The following AMBRA1 variants were observed in gnomAD, a reference collection of about 807,000 sequenced individuals.
AMBRA1 encodes autophagy and beclin 1 regulator 1.
A neutral mutation model predicts 125.4 loss-of-function variants in AMBRA1; 47 were observed. That is an observed-to-expected ratio of 0.37 (90% CI 0.30 to 0.48). AMBRA1 has a LOEUF of 0.48. AMBRA1 is among the 20% of genes least tolerant of loss of function. The pLI is 0.99. For synonymous variants in AMBRA1, 626 were observed against 655.5 expected (o/e 0.95, Z 0.69); for missense variants, 1,331 against 1,693.4 (o/e 0.79, Z 3.76).
rs929012445 is a variant in AMBRA1, at chr11:46,472,992, T to C, written c.2521+20616A>G. The stretch of plus-strand genomic sequence containing the variant: ...ACCTCAAATCAACCTGATATTACAG[T>C]AACAGTTTTAGTAAAGGTATATTTT... On this transcript the variant is annotated intron_variant, in intron 11 of 17. Coordinates refer to ENST00000683756, the MANE Select transcript of AMBRA1 (RefSeq NM_001387011.1). 5.9e-5 allele frequency among the ~76,000 whole-genome samples: 9 copies of C among 152,298 alleles called. No homozygotes were observed. In the South Asian group the frequency reaches 1.9e-3, roughly 32 times the overall value.
In AMBRA1 at chr11:46,542,960, C is replaced by A; in HGVS notation, c.1057G>T (p.Glu353Ter). 1 of 1,606,308 alleles carries A rather than the reference C, an allele frequency of 6.2e-7. No individual in the cohort carries two copies. Among genetic ancestry groups the A allele is most frequent in the Non-Finnish European group, 8.5e-7 (1 of 1,179,960 alleles). The change falls in exon 7 of 18, where the codon GAG becomes TAG. Residue 353 changes from glutamate (E) to a stop codon, truncating the protein, a stop_gained. Transcript: ENST00000683756. LOFTEE classifies it high-confidence loss of function. This position sits in a 1 kb window ranked among gnomAD's most constrained non-coding sequence, Gnocchi z 5.9. ...TCCTGCTGCGTTGACGAGGCCTGCT[C>A]CGGGGGATGGAAGGGCTCGGTCTGT... is the stretch of plus-strand genomic sequence containing the variant. ...FVQTEPFHPP[E>*]QASSTQQDQG...
chr11:46,574,972 TAC>T (rs917122128), intron 1 of AMBRA1, among the ~76,000 whole-genome samples: 3 of 152,244 alleles, frequency 2.0e-5, no homozygotes, highest in African/African-American at 7.2e-5. Context: ...CCTCTTTATC[TAC>T]AGTGTTAATA....
At chr11:46,589,099 T>C (rs1423722723) in intron 1 of AMBRA1, among the ~76,000 whole-genome samples, 1 of 152,252 alleles carries the variant, frequency 6.6e-6, no homozygotes, top group East Asian at 1.9e-4. Context: ...ACAAGACTTC[T>C]CAGGTAGTAA....
chr11:46,441,753 A>C (rs890228631), intron 12 of AMBRA1, among the ~76,000 whole-genome samples: 8 of 152,120 alleles, frequency 5.3e-5, no homozygotes, highest in Non-Finnish European at 7.4e-5. Flanking sequence ...AGAGGAGCAG[A>C]ACTGTCAAGG....
At chr11:46,565,748 T>C (rs1046715019) in intron 1 of AMBRA1, among the ~76,000 whole-genome samples, 1 of 152,056 alleles carries the variant, frequency 6.6e-6, no homozygotes, top group African/African-American at 2.4e-5. Context: ...GTTTTATTCA[T>C]AGTAGCCAAA....
chr11:46,425,128 T>G (rs1199705528), intron 14 of AMBRA1, among the ~76,000 whole-genome samples: 4 of 152,064 alleles, frequency 2.6e-5, no homozygotes, highest in Admixed American at 6.6e-5. Context: ...AGTGAAACTC[T>G]ATCTCAAAAA....
At chr11:46,433,888 G>A (rs1037558153) in intron 13 of AMBRA1, among the ~76,000 whole-genome samples, 3 of 152,070 alleles carry the variant, frequency 2.0e-5, no homozygotes, top group South Asian at 2.1e-4. Context: ...GGCCGAGGTC[G>A]GGGGATCACC....
chr11:46,582,787 T>C (rs1488943034), intron 1 of AMBRA1, among the ~76,000 whole-genome samples: 1 of 152,126 alleles, frequency 6.6e-6, no homozygotes, highest in African/African-American at 2.4e-5. Context: ...CTTACTACAG[T>C]ACCTGGCACA....
At chr11:46,414,082 A>G (rs1946419319) in intron 15 of AMBRA1, among the ~76,000 whole-genome samples, 2 of 152,252 alleles carry the variant, frequency 1.3e-5, no homozygotes, top group South Asian at 4.2e-4. Flanking sequence ...AGACCTTCCA[A>G]GGGCTCCCTG....
intron 1 of AMBRA1, among the ~76,000 whole-genome samples, chr11:46,550,446 C>T (rs2042957610): frequency 6.6e-6 from 1 of 152,074 alleles, no homozygotes; most frequent in Non-Finnish European, 1.5e-5. Context: ...AGGAATATCT[C>T]CCCCTTTACA....
intron 11 of AMBRA1, among the ~76,000 whole-genome samples, chr11:46,450,048 G>C (rs900909811): frequency 7.1e-6 from 1 of 141,226 alleles, no homozygotes; most frequent in Non-Finnish European, 1.5e-5. Context: ...AACAGAGCGA[G>C]ACTGTCTCAA....
At chr11:46,527,477 CAAAAAAAAAA>C (rs59904013) in intron 7 of AMBRA1, among the ~76,000 whole-genome samples, 26 of 25,938 alleles carry the variant, frequency 1.0e-3, no homozygotes, top group Middle Eastern at 0.062. Context: ...GAGACTGTCT[CAAAAAAAAAA>C]AAAAAAAAAA....
chr11:46,493,985 T>C (rs1193417887), intron 10 of AMBRA1, 139 bp downstream of exon 10: 1 of 804,022 alleles, frequency 1.2e-6, no homozygotes, highest in Non-Finnish European at 2.0e-6. Context: ...CCGTCAAGAG[T>C]TTAGACAGCA....
chr11:46,486,704 G>A (rs1240202207), intron 11 of AMBRA1, among the ~76,000 whole-genome samples: 4 of 151,990 alleles, frequency 2.6e-5, no homozygotes, highest in African/African-American at 4.8e-5. Context: ...TCAGGAGTTC[G>A]AGATCAGCCT....
intron 1 of AMBRA1, among the ~76,000 whole-genome samples, chr11:46,592,344 A>C (rs747481234): frequency 6.6e-6 from 1 of 152,184 alleles, no homozygotes; most frequent in African/African-American, 2.4e-5. Flanking sequence ...TGGGAAGGAA[A>C]AGGGAACCAC....
intron 15 of AMBRA1, among the ~76,000 whole-genome samples, chr11:46,414,897 T>C (rs1946466292): frequency 6.6e-6 from 1 of 152,168 alleles, no homozygotes; most frequent in Non-Finnish European, 1.5e-5. Context: ...TGGGTTTTAG[T>C]ACCACCAAGA....
At chr11:46,407,277 C>T (rs1946070210) in intron 17 of AMBRA1, among the ~76,000 whole-genome samples, 1 of 152,188 alleles carries the variant, frequency 6.6e-6, no homozygotes, top group Non-Finnish European at 1.5e-5. Flanking sequence ...CTCCAAATCC[C>T]TCTCGCTGTC....
At chr11:46,417,025 T>A (rs1946577139) in intron 15 of AMBRA1, among the ~76,000 whole-genome samples, 2 of 152,012 alleles carry the variant, frequency 1.3e-5, no homozygotes, top group Non-Finnish European at 2.9e-5. Context: ...CAAGACCAGA[T>A]AATAATTGCT....
intron 13 of AMBRA1, among the ~76,000 whole-genome samples, chr11:46,434,268 T>C (rs1947603925): frequency 6.6e-6 from 1 of 151,992 alleles, no homozygotes. Context: ...GTAAGAGCAT[T>C]TTAAGGGCCA....
Sources: gnomAD v4.1 joint callset for allele counts (sites outside exome capture counted in the v4.1 genomes callset) on GRCh38, gnomAD v4.1.1 for gene constraint, Gnocchi (gnomAD v3.1) non-coding constraint, MANE v1.5 for transcripts, NCBI Gene and HGNC (gene_info 2026-07-23, HGNC 2026-07-21) for gene names.